Variants in SLC9C1 observed in about 807,000 individuals in gnomAD.
The protein encoded by SLC9C1 is solute carrier family 9 member C1.
In SLC9C1, 97 loss-of-function variants were observed where a neutral mutation model predicts 140.9. The observed-to-expected ratio is 0.69, with a 90% CI of 0.58 to 0.82. The LOEUF (loss-of-function observed/expected upper bound fraction) is 0.82, where lower values mean the gene tolerates loss of function less well. Ranked by LOEUF, SLC9C1 falls within the 40% of genes least tolerant of loss-of-function variation. The pLI, the probability that SLC9C1 is intolerant of heterozygous loss-of-function variation, is 0.00. For synonymous variants in SLC9C1, 440 were observed against 442.6 expected (o/e 0.99, Z 0.07); for missense variants, 1,340 against 1,389.3 (o/e 0.96, Z 0.56).
intron 20 of SLC9C1, among the ~76,000 whole-genome samples, chr3:112,193,987 G>A (rs536744372): frequency 6.6e-6 from 1 of 152,168 alleles, no homozygotes; most frequent in South Asian, 2.1e-4. Context: ...ACAGCTCCAG[G>A]GCTGGAGGGG....
chr3:112,263,060 C>A lies in SLC9C1; in HGVS notation c.1061G>T (p.Arg354Leu), dbSNP rs147067402. The A allele has an allele frequency of 1.3e-6, 2 of 1,590,954 alleles. No individual in the cohort carries two copies. Among genetic ancestry groups the A allele is most frequent in the Non-Finnish European group, 1.7e-6 (2 of 1,171,374 alleles). Residue 354 changes from arginine to leucine, a missense_variant, in exon 10 of 29, where the codon CGA becomes CTA. Transcript: ENST00000305815. ...GCGCCAACTGAACTCATGACCAACTCGAGACAAAACAGGGCTTATTAAAAG... is the reference window on the plus strand; with the variant it reads ...GCGCCAACTGAACTCATGACCAACTAGAGACAAAACAGGGCTTATTAAAAG... ...TLLLISPVLS[R>L]VGHEFSWRWI... is the part of the protein sequence containing the mutation.
chr3:112,188,954 T>C (rs2077593919), intron 20 of SLC9C1, among the ~76,000 whole-genome samples: 1 of 152,234 alleles, frequency 6.6e-6, no homozygotes, highest in African/African-American at 2.4e-5. Context: ...TATCTCACTG[T>C]GGTTTTGATT....
rs1488078759 is a variant in SLC9C1 at position 112,220,736 on chromosome 3, C to T, written c.1670+392G>A. ...AGTATTAAGAGAAGATGTTGAAGTA[C>T]TACCTGTGTATTGGGGAAGATGTGC... On this transcript the variant is annotated intron_variant, in intron 14 of 28. Transcript: ENST00000305815. Among the ~76,000 whole-genome samples the T allele has an allele frequency of 3.3e-5, 5 of 152,180 alleles. No homozygotes were observed. The South Asian group carries it at 8.3e-4, about 25-fold the overall frequency.
intron 20 of SLC9C1, among the ~76,000 whole-genome samples, chr3:112,182,959 C>T (rs7642708): frequency 1 from 151,901 of 152,368 alleles, 75,719 homozygotes; most frequent in Middle Eastern, 1. Flanking sequence ...TTATTTTCAT[C>T]GTTGTATAGT....
At chr3:112,279,934 CAT>C (rs976383951) in intron 3 of SLC9C1, among the ~76,000 whole-genome samples, 11 of 152,200 alleles carry the variant, frequency 7.2e-5, no homozygotes, top group Non-Finnish European at 1.5e-4. Context: ...TTAGCCCCTT[CAT>C]GGGTCTTAAC....
intron 26 of SLC9C1, 34 bp from the exon 27 acceptor site, chr3:112,155,083 AC>A: frequency 6.4e-7 from 1 of 1,554,934 alleles, no homozygotes; most frequent in Non-Finnish European, 8.8e-7. Flanking sequence ...TGTTAATTCA[AC>A]CACTGAAGCA....
At chr3:112,146,463 A>G (rs1033008832) in intron 28 of SLC9C1, among the ~76,000 whole-genome samples, 1 of 152,138 alleles carries the variant, frequency 6.6e-6, no homozygotes, top group African/African-American at 2.4e-5. Context: ...TATAAACTTT[A>G]TGCTTAACAC....
At chr3:112,207,351 T>C (rs1162248078) in intron 16 of SLC9C1, among the ~76,000 whole-genome samples, 1 of 152,170 alleles carries the variant, frequency 6.6e-6, no homozygotes, top group African/African-American at 2.4e-5. Context: ...CAGAGGGATA[T>C]AGTCAGCAGC....
rs761142731 is a variant in SLC9C1 at position 112,239,980 on chromosome 3, A to G, written c.1306T>C (p.Tyr436His). 1.2e-6 allele frequency: 2 copies of G among 1,612,080 alleles called. No homozygotes were observed. The highest frequency in any genetic ancestry group is 1.7e-6 in the Non-Finnish European group (2 of 1,179,342). ...TGAAATGTGCAACAAACCGATTTAT[A>G]TTTTGTTGATGTGGCATCACGAAGA... is the stretch of plus-strand genomic sequence containing the variant. The part of the protein sequence containing the change: ...LGLRDATSTK[Y>H]KSVCCTFQHF... The change falls in exon 12 of 29, where the codon TAT becomes CAT. Residue 436 changes from tyrosine to histidine, a missense_variant. Transcript: ENST00000305815.
chr3:112,157,195 A>G (rs551249371), intron 26 of SLC9C1, among the ~76,000 whole-genome samples: 1 of 151,934 alleles, frequency 6.6e-6, no homozygotes, highest in African/African-American at 2.4e-5. Flanking sequence ...GTTTTTTTCT[A>G]TATGGTAATA....
intron 24 of SLC9C1, 42 bp from the exon 25 acceptor site, chr3:112,169,104 A>C: frequency 6.4e-7 from 1 of 1,573,068 alleles, no homozygotes; most frequent in South Asian, 1.2e-5. Context: ...TTAGTCTATG[A>C]AGTTCAGTAT....
intron 10 of SLC9C1, among the ~76,000 whole-genome samples, chr3:112,245,940 C>G (rs2079271427): frequency 1.3e-5 from 2 of 151,914 alleles, no homozygotes; most frequent in African/African-American, 2.4e-5. Context: ...GTATCCATCT[C>G]TTGATACTTA....
chr3:112,193,140 T>C (rs1048665368), intron 20 of SLC9C1, among the ~76,000 whole-genome samples: 2 of 152,220 alleles, frequency 1.3e-5, no homozygotes, highest in African/African-American at 4.8e-5. Flanking sequence ...GCCTAAGCTA[T>C]GAGAGCGTGT....
At chr3:112,245,431 T>C (rs2079254745) in intron 10 of SLC9C1, among the ~76,000 whole-genome samples, 1 of 145,526 alleles carries the variant, frequency 6.9e-6, no homozygotes, top group African/African-American at 2.6e-5. Context: ...AGAGTTTTTC[T>C]TTTTTTTTTT....
intron 23 of SLC9C1, among the ~76,000 whole-genome samples, chr3:112,172,080 C>G (rs1176466195): frequency 1.3e-5 from 2 of 151,940 alleles, no homozygotes; most frequent in Non-Finnish European, 2.9e-5. Context: ...ATTATAGGTC[C>G]TCTGCATTTT....
intron 6 of SLC9C1, among the ~76,000 whole-genome samples, chr3:112,271,977 T>C (rs1267765512): frequency 2.6e-5 from 4 of 152,104 alleles, no homozygotes; most frequent in African/African-American, 4.8e-5. Context: ...TTTGCTTCTT[T>C]GGTGTTGTTA....
intron 20 of SLC9C1, chr3:112,185,829 T>C (rs1485199105): frequency 5.1e-6 from 8 of 1,582,060 alleles, no homozygotes; most frequent in Non-Finnish European, 6.8e-6. Flanking sequence ...AGTGCCCTCC[T>C]CCTCGTAAGC....
At chr3:112,225,133 GAA>G (rs2078649328) in intron 13 of SLC9C1, among the ~76,000 whole-genome samples, 1 of 151,964 alleles carries the variant, frequency 6.6e-6, no homozygotes, top group South Asian at 2.1e-4. Flanking sequence ...TTTAAAAATA[GAA>G]AAAGTGTCAA....
chr3:112,222,964 T>G (rs2078582548), intron 13 of SLC9C1, among the ~76,000 whole-genome samples: 1 of 152,078 alleles, frequency 6.6e-6, no homozygotes, highest in African/African-American at 2.4e-5. Context: ...CTAATCAATT[T>G]TTTCCTACAA....
Sources: gnomAD v4.1 joint callset for allele counts (sites outside exome capture counted in the v4.1 genomes callset) on GRCh38, gnomAD v4.1.1 for gene constraint, MANE v1.5 for transcripts, NCBI Gene and HGNC (gene_info 2026-07-23, HGNC 2026-07-21) for gene names.